Variants in TRPC7 observed in about 807,000 individuals in gnomAD.
TRPC7 encodes transient receptor potential cation channel subfamily C member 7, also known as short transient receptor potential channel 7.
A neutral mutation model predicts 90.1 loss-of-function variants in TRPC7; 42 were observed. That is an observed-to-expected ratio of 0.47 (90% confidence interval 0.36 to 0.60). The LOEUF is 0.60. Ranked by LOEUF, TRPC7 falls within the 20% of genes least tolerant of loss-of-function variation. The pLI is 0.00. For missense variants in TRPC7, 955 were observed against 1,112.3 expected (o/e 0.86, Z 2.01); for synonymous variants, 451 against 436.3 (o/e 1.03, Z -0.42).
At chr5:136,345,858 T>C (rs1759989233) in intron 2 of TRPC7, among the ~76,000 whole-genome samples, 1 of 152,208 alleles carries the variant, frequency 6.6e-6, no homozygotes, top group Non-Finnish European at 1.5e-5. Context: ...CTTTAATCCA[T>C]CTTGAATTAA....
chr5:136,307,356 T>A (rs1335142722), intron 3 of TRPC7, among the ~76,000 whole-genome samples: 2 of 152,184 alleles, frequency 1.3e-5, no homozygotes, highest in African/African-American at 4.8e-5. Context: ...AGTTCAACTT[T>A]ACTAGATTCC....
At chr5:136,363,483 A>G (rs1224063531) in intron 1 of TRPC7, among the ~76,000 whole-genome samples, 1 of 152,132 alleles carries the variant, frequency 6.6e-6, no homozygotes, top group Non-Finnish European at 1.5e-5. Flanking sequence ...AAATAAAAGA[A>G]AAAAAAGATA....
chr5:136,257,855 A>G (rs1053265186), intron 5 of TRPC7, among the ~76,000 whole-genome samples: 11 of 152,320 alleles, frequency 7.2e-5, no homozygotes, highest in African/African-American at 2.6e-4. Context: ...CAAATTAAAA[A>G]TCTCAACATC....
At chr5:136,328,158 G>T (rs1211508841) in intron 2 of TRPC7, among the ~76,000 whole-genome samples, 1 of 152,172 alleles carries the variant, frequency 6.6e-6, no homozygotes, top group East Asian at 1.9e-4. Flanking sequence ...GGTGGTTCAA[G>T]TTTAGTGCAG....
chr5:136,281,419 T>C (rs7732951), intron 3 of TRPC7, among the ~76,000 whole-genome samples: 18,391 of 152,216 alleles, frequency 0.12, 1,160 homozygotes, highest in African/African-American at 0.14. Context: ...GCAGACTCCA[T>C]TTAAACAATC....
At chr5:136,292,025 C>T (rs1301569011) in intron 3 of TRPC7, among the ~76,000 whole-genome samples, 1 of 152,080 alleles carries the variant, frequency 6.6e-6, no homozygotes, top group Non-Finnish European at 1.5e-5. Flanking sequence ...AACTGAACAA[C>T]CTGCTCCTGA....
intron 8 of TRPC7, among the ~76,000 whole-genome samples, chr5:136,229,759 C>A (rs1453853347): frequency 1.3e-5 from 2 of 152,104 alleles, no homozygotes; most frequent in East Asian, 3.8e-4. Flanking sequence ...ACACAGGGAT[C>A]TTTACTTTTT....
chr5:136,327,212 A>G (rs1759370695), intron 2 of TRPC7, among the ~76,000 whole-genome samples: 1 of 152,160 alleles, frequency 6.6e-6, no homozygotes, highest in Non-Finnish European at 1.5e-5. Context: ...TGATAGAGTG[A>G]CCCAGTGTTG....
Position 136,265,688 on chromosome 5 carries a change from A to C in TRPC7, c.1345+532T>G, listed in dbSNP as rs146177300. On this transcript the variant is annotated intron_variant, in intron 5 of 11. Transcript: ENST00000513104. ...TCCAGTGGCAGACTGTGGCAGCATGAAATACCACTACAAGAGGAATTTCAT... is the reference window on the plus strand; with the variant it reads ...TCCAGTGGCAGACTGTGGCAGCATGCAATACCACTACAAGAGGAATTTCAT... 6.2e-3 allele frequency among the ~76,000 whole-genome samples: 945 copies of C among 152,324 alleles called. 9 individuals are homozygous for C. Among genetic ancestry groups the C allele is most frequent in the African/African-American group, 0.021 (865 of 41,576 alleles).
At chr5:136,313,413 A>G (rs1390510338) in intron 3 of TRPC7, among the ~76,000 whole-genome samples, 2 of 151,436 alleles carry the variant, frequency 1.3e-5, no homozygotes, top group African/African-American at 4.9e-5. Flanking sequence ...CTATCTATCT[A>G]TCTATCTGTC....
chr5:136,216,907 C>T (rs1321139266), intron 10 of TRPC7, among the ~76,000 whole-genome samples: 1 of 152,236 alleles, frequency 6.6e-6, no homozygotes, highest in Non-Finnish European at 1.5e-5. Flanking sequence ...GCCGGAGTCA[C>T]ACTGGAGCAG....
At chr5:136,289,124 A>G (rs927904051) in intron 3 of TRPC7, among the ~76,000 whole-genome samples, 1 of 152,188 alleles carries the variant, frequency 6.6e-6, no homozygotes, top group African/African-American at 2.4e-5. Flanking sequence ...GTCATTCCAG[A>G]GTGCTGGGAG....
chr5:136,288,174 G>A (rs1757795022), intron 3 of TRPC7, among the ~76,000 whole-genome samples: 1 of 152,002 alleles, frequency 6.6e-6, no homozygotes. Context: ...CACACAGCCA[G>A]GATGTGAACC....
At chr5:136,291,379 G>A (rs180770082) in intron 3 of TRPC7, among the ~76,000 whole-genome samples, 135 of 152,318 alleles carry the variant, frequency 8.9e-4, no homozygotes, top group African/African-American at 3.1e-3. Flanking sequence ...CCATCAGTGT[G>A]CTGTATTCAG....
At position 136,266,178 on chromosome 5, in the gene TRPC7, A is replaced by G. The variant is rs144187239; in HGVS notation, c.1345+42T>C. On this transcript the variant is annotated intron_variant, in intron 5 of 11. Coordinates refer to ENST00000513104, the MANE Select transcript of TRPC7 (RefSeq NM_020389.3). ...AATCAGAGTTTAATAATGTCCTACT[A>G]TAATTAGCAAGGAGAGAATAAAAAT... 171 of 1,536,160 alleles carry G rather than the reference A, an allele frequency of 1.1e-4. No individual in the cohort carries two copies. In the African/African-American group the frequency reaches 1.8e-3, roughly 16 times the overall value.
chr5:136,364,636 T>C lies in TRPC7; in HGVS notation c.2+617A>G, dbSNP rs891490333. On this transcript the variant is annotated intron_variant, in intron 1 of 11. Coordinates refer to ENST00000513104, the MANE Select transcript of TRPC7 (RefSeq NM_020389.3). ...CATTTTGGTTGTGTCTACTCAATCA[T>C]AGGTAAATGAATTTACAACTTCAAA... Among the ~76,000 whole-genome samples, 52 of 152,314 alleles carry C rather than the reference T, an allele frequency of 3.4e-4. 1 individual carries two copies. Among genetic ancestry groups the C allele is most frequent in the African/African-American group, 1.0e-3 (43 of 41,560 alleles).
chr5:136,218,583 G>A lies in TRPC7; in HGVS notation c.2344-2308C>T, dbSNP rs75635266. Among the ~76,000 whole-genome samples, 285 of 152,264 alleles carry A rather than the reference G, an allele frequency of 1.9e-3. 1 individual carries two copies. The highest frequency in any genetic ancestry group is 6.3e-3 in the African/African-American group (261 of 41,546). ...GGTGTTGAGGAAAATTCTTTCATAG[G>A]TGCAGCCGGAATTACAGCCCTTCCT... On this transcript the variant is annotated intron_variant, in intron 10 of 11. Transcript: ENST00000513104.
intron 2 of TRPC7, 24 bp from the exon 3 acceptor site, chr5:136,315,803 C>T (rs756224706): frequency 7.5e-6 from 12 of 1,604,942 alleles, no homozygotes; most frequent in South Asian, 6.7e-5. Flanking sequence ...GAGAAATCAG[C>T]GGTATGTCAC....
chr5:136,252,362 G>A (rs2067933002), intron 5 of TRPC7, among the ~76,000 whole-genome samples: 1 of 151,774 alleles, frequency 6.6e-6, no homozygotes, highest in Non-Finnish European at 1.5e-5. Flanking sequence ...TTTTTGTTTT[G>A]TTTTGTTTTG....
Sources: gnomAD v4.1 joint callset for allele counts (sites outside exome capture counted in the v4.1 genomes callset) on GRCh38, gnomAD v4.1.1 for gene constraint, MANE v1.5 for transcripts, NCBI Gene and HGNC (gene_info 2026-07-23, HGNC 2026-07-21) for gene names.